ATP2C2: variants seen among roughly 807,000 people sequenced by gnomAD.
The protein encoded by ATP2C2 is calcium-transporting ATPase type 2C member 2.
Under a neutral mutation model 110.8 loss-of-function variants are expected in ATP2C2, and 171 were observed. That is an observed-to-expected ratio of 1.54 (90% CI 1.36 to 1.75). The LOEUF is 1.75. ATP2C2 is among the 40% of genes most tolerant of loss of function. ATP2C2 has a pLI of 0.00. For missense variants in ATP2C2, 1,963 were observed against 1,235.0 expected (o/e 1.59, Z -8.84); for synonymous variants, 804 against 508.4 (o/e 1.58, Z -7.82).
At chr16:84,463,367 G>T (rs943820520) in intron 26 of ATP2C2, among the ~76,000 whole-genome samples, 1 of 152,134 alleles carries the variant, frequency 6.6e-6, no homozygotes, top group African/African-American at 2.4e-5. Context: ...CATGCTCCCA[G>T]CTGCCTGCCA....
intron 11 of ATP2C2, among the ~76,000 whole-genome samples, chr16:84,429,184 T>C (rs1173838442): frequency 6.6e-6 from 1 of 152,100 alleles, no homozygotes; most frequent in Non-Finnish European, 1.5e-5. Flanking sequence ...AGAGTTTCAC[T>C]CTTGTCGCCC....
At chr16:84,372,490 A>G (rs1411169210) in intron 1 of ATP2C2, among the ~76,000 whole-genome samples, 2 of 152,020 alleles carry the variant, frequency 1.3e-5, no homozygotes, top group Non-Finnish European at 2.9e-5. Flanking sequence ...CTGGAGTGCA[A>G]TGGCATGGTC....
chr16:84,453,247 G>C lies in ATP2C2; in HGVS notation c.1929+12G>C, dbSNP rs779488540. 2 of 1,614,060 alleles carry C rather than the reference G, an allele frequency of 1.2e-6. No individual in the cohort carries two copies. The highest frequency in any genetic ancestry group is 1.7e-5 in the Admixed American group (1 of 60,024). ...ACCGCGTGGGGAAGGTGGGTCCCCGGAGGCTTGGCTGGCAGTGGGGCTGGG... is the reference window on the plus strand; with the variant it reads ...ACCGCGTGGGGAAGGTGGGTCCCCGCAGGCTTGGCTGGCAGTGGGGCTGGG... On this transcript the variant is annotated intron_variant, in intron 19 of 26. Transcript: ENST00000262429.
rs1227480408 is a variant in ATP2C2, at chr16:84,463,686, A to G, written c.2795A>G (p.Tyr932Cys). ...GAGCTCCTCAAACTATGTGAAAAAT[A>G]CTGTTGCAGCCCCAAGAGAGTCCAG... ...LSELLKLCEK[Y>C]CCSPKRVQMH... is the part of the protein sequence containing the mutation. The change falls in exon 27 of 27, where the codon TAC (tyrosine) becomes TGC (cysteine). Residue 932 changes from tyrosine to cysteine, a missense_variant. Physicochemically the swap from Tyr to Cys is radical, Grantham distance 194. Transcript: ENST00000262429. The G allele has an allele frequency of 1.2e-6, 2 of 1,614,058 alleles. No individual in the cohort carries two copies. The highest frequency in any genetic ancestry group is 1.7e-6 in the Non-Finnish European group (2 of 1,180,024).
intron 1 of ATP2C2, among the ~76,000 whole-genome samples, chr16:84,381,114 G>T (rs1468306273): frequency 6.6e-6 from 1 of 152,304 alleles, no homozygotes; most frequent in East Asian, 1.9e-4. Context: ...GTCGGCAAAG[G>T]GTGGTGGATT....
chr16:84,415,375 A>G (rs2150533080), intron 6 of ATP2C2, 108 bp from the exon 7 acceptor site: 6 of 890,488 alleles, frequency 6.7e-6, no homozygotes. Context: ...GGGTTGGTGT[A>G]TATTAAAAGA....
intron 1 of ATP2C2, among the ~76,000 whole-genome samples, chr16:84,379,701 A>G (rs781146304): frequency 1.3e-5 from 2 of 152,208 alleles, no homozygotes; most frequent in Non-Finnish European, 2.9e-5. Flanking sequence ...TGCGTGTCTC[A>G]GATCCATCCT....
At chr16:84,412,001 C>A (rs1906350548) in intron 6 of ATP2C2, among the ~76,000 whole-genome samples, 1 of 130,808 alleles carries the variant, frequency 7.6e-6, no homozygotes, top group Admixed American at 7.6e-5. Context: ...TCCTTTCTTT[C>A]TTTTTCTTTT....
intron 1 of ATP2C2, among the ~76,000 whole-genome samples, chr16:84,370,393 C>G (rs1471389567): frequency 6.6e-6 from 1 of 152,210 alleles, no homozygotes; most frequent in Non-Finnish European, 1.5e-5. Flanking sequence ...CAAAGGCCAG[C>G]TGAGAAAGAA....
At chr16:84,462,434 G>A in intron 26 of ATP2C2, 1 of 308,884 alleles carries the variant, frequency 3.2e-6, no homozygotes. Flanking sequence ...GGAGGAAGGA[G>A]GGAGCAAGGC....
chr16:84,461,886 C>A, intron 25 of ATP2C2, 74 bp downstream of exon 25: 1 of 1,607,804 alleles, frequency 6.2e-7, no homozygotes, highest in Non-Finnish European at 8.5e-7. Flanking sequence ...ACCCTGCCCG[C>A]AGCATTGAGC....
At chr16:84,438,125 C>G (rs1908910510) in intron 11 of ATP2C2, among the ~76,000 whole-genome samples, 1 of 152,190 alleles carries the variant, frequency 6.6e-6, no homozygotes. Context: ...TCCATTTGTT[C>G]ACTGATGGAC....
intron 17 of ATP2C2, among the ~76,000 whole-genome samples, chr16:84,451,669 C>G (rs951753953): frequency 6.6e-6 from 1 of 152,126 alleles, no homozygotes; most frequent in African/African-American, 2.4e-5. Context: ...GAAATCCTGT[C>G]TCTACTAAAA....
intron 16 of ATP2C2, among the ~76,000 whole-genome samples, chr16:84,446,879 C>T (rs773870993): frequency 6.6e-6 from 1 of 152,114 alleles, no homozygotes; most frequent in Non-Finnish European, 1.5e-5. Context: ...CAGCCCTGTG[C>T]TAAGTTTTTT....
intron 1 of ATP2C2, 75 bp from the exon 2 acceptor site, chr16:84,398,421 TAAA>T (rs1905120772): frequency 2.2e-6 from 2 of 894,966 alleles, no homozygotes; most frequent in African/African-American, 3.6e-5. Flanking sequence ...AATAAACTAA[TAAA>T]AATAAAAAAT....
Position 84,424,475 on chromosome 16 carries a change from G to C in ATP2C2, c.919+1212G>C, listed in dbSNP as rs563041143. 1.8e-4 allele frequency among the ~76,000 whole-genome samples: 28 copies of C among 151,604 alleles called. No homozygotes were observed. The South Asian group carries it at 5.4e-3, about 29-fold the overall frequency. On this transcript the variant is annotated intron_variant, in intron 10 of 26. Coordinates refer to ENST00000262429, the MANE Select transcript of ATP2C2 (RefSeq NM_014861.4). ...GTATTTTTGGTAGAGACAGGGTTTTGTCATGTTGGCCAGGCTGGTCTCAAA... is the reference window on the plus strand; with the variant it reads ...GTATTTTTGGTAGAGACAGGGTTTTCTCATGTTGGCCAGGCTGGTCTCAAA...
At chr16:84,413,241 C>T (rs1250522562) in intron 6 of ATP2C2, among the ~76,000 whole-genome samples, 1 of 151,994 alleles carries the variant, frequency 6.6e-6, no homozygotes, top group Non-Finnish European at 1.5e-5. Context: ...TCAGGGAGAG[C>T]TTTAGTATAT....
chr16:84,437,478 T>A (rs1027750739), intron 11 of ATP2C2, among the ~76,000 whole-genome samples: 4 of 152,178 alleles, frequency 2.6e-5, no homozygotes, highest in Non-Finnish European at 5.9e-5. Context: ...CCCAAAGTGC[T>A]GGTATTATAG....
At chr16:84,460,049 G>C (rs938300100) in intron 23 of ATP2C2, 2 of 208,314 alleles carry the variant, frequency 9.6e-6, no homozygotes, top group Non-Finnish European at 2.0e-5. Context: ...GGAGCTCAGT[G>C]CTGCTGTTAT....
Sources: allele counts gnomAD v4.1 joint callset (sites outside exome capture counted in the v4.1 genomes callset), GRCh38; gene constraint gnomAD v4.1.1; transcripts MANE v1.5; gene names NCBI Gene and HGNC (gene_info 2026-07-23, HGNC 2026-07-21).